The following GRHL2 variants were observed in gnomAD, a reference collection of about 807,000 sequenced individuals.
GRHL2 encodes the protein grainyhead-like protein 2 homolog.
GRHL2 carries 21 observed loss-of-function variants against 83.8 expected under a neutral mutation model. That is an observed-to-expected ratio of 0.25 (90% CI 0.18 to 0.36). The LOEUF (loss-of-function observed/expected upper bound fraction) is 0.36. Among genes scored for constraint, GRHL2 ranks in the 10% least tolerant of loss-of-function variants. The pLI, the probability that GRHL2 is intolerant of heterozygous loss-of-function variation, is 1.00. For missense variants in GRHL2, 623 were observed against 781.8 expected (o/e 0.80, Z 2.42); for synonymous variants, 280 against 278.9 (o/e 1.00, Z -0.04).
chr8:101,545,870 ATTTTTTTTT>A (rs1174568425), intron 2 of GRHL2, among the ~76,000 whole-genome samples: 11 of 83,634 alleles, frequency 1.3e-4, no homozygotes, highest in Admixed American at 6.6e-4. Context: ...TCTTTGTAAC[ATTTTTTTTT>A]TTTTTTTTTT....
chr8:101,522,764 CAT>C (rs966512266), intron 1 of GRHL2, among the ~76,000 whole-genome samples: 25 of 149,328 alleles, frequency 1.7e-4, no homozygotes, highest in Admixed American at 6.0e-4. Flanking sequence ...CACACATATA[CAT>C]ATATATATAT....
Position 101,496,630 on chromosome 8 carries a change from A to G in GRHL2, c.20+3841A>G, listed in dbSNP as rs1810112100. Among the ~76,000 whole-genome samples the G allele has an allele frequency of 2.6e-5, 4 of 152,266 alleles. 1 individual carries two copies. In the South Asian group the frequency reaches 8.3e-4, roughly 32 times the overall value. ...ACTAAATCAACAAAAAAGTAAACATATATTTAATTAGATGATGATAAGTGC... is the reference window on the plus strand; with the variant it reads ...ACTAAATCAACAAAAAAGTAAACATGTATTTAATTAGATGATGATAAGTGC... On this transcript the variant is annotated intron_variant, in intron 1 of 15. Transcript: ENST00000646743.
chr8:101,517,167 G>A (rs550117721), intron 1 of GRHL2, among the ~76,000 whole-genome samples: 33 of 152,186 alleles, frequency 2.2e-4, no homozygotes, highest in Non-Finnish European at 4.3e-4. Flanking sequence ...GTAAAGGGAA[G>A]CTGGGGATAC....
At chr8:101,579,630 TAGAG>T (rs1586114092) in intron 7 of GRHL2, among the ~76,000 whole-genome samples, 2 of 152,180 alleles carry the variant, frequency 1.3e-5, no homozygotes, top group South Asian at 2.1e-4. Flanking sequence ...TCTGCTCACA[TAGAG>T]AGAGAAAATA....
At chr8:101,606,716 T>A (rs1812640832) in intron 8 of GRHL2, among the ~76,000 whole-genome samples, 1 of 152,212 alleles carries the variant, frequency 6.6e-6, no homozygotes, top group South Asian at 2.1e-4. Flanking sequence ...GCTGACTTAC[T>A]ATTTCTATAG....
At chr8:101,543,485 C>G (rs1390137747) in intron 2 of GRHL2, 49 bp downstream of exon 2, 2 of 1,540,796 alleles carry the variant, frequency 1.3e-6, no homozygotes, top group Non-Finnish European at 1.8e-6. Flanking sequence ...CAGGACAACC[C>G]TTTGCTGGTG....
intron 7 of GRHL2, among the ~76,000 whole-genome samples, chr8:101,588,817 A>G (rs1812219452): frequency 6.6e-6 from 1 of 152,240 alleles, no homozygotes; most frequent in Non-Finnish European, 1.5e-5. Context: ...AGACACTAGA[A>G]TGAGGCTGTG....
In GRHL2 at chr8:101,552,486, C is replaced by T. The variant is rs192058183; in HGVS notation, c.217-229C>T. Among the ~76,000 whole-genome samples, 25 of 152,274 alleles carry T rather than the reference C, an allele frequency of 1.6e-4. No homozygotes were observed. The East Asian group carries it at 4.2e-3, about 26-fold the overall frequency. ...GTCACCTAGGCCAGCAGTGAGCAGC[C>T]GAATCATGTCTGTTGTGGCCATATG... On this transcript the variant is annotated intron_variant, in intron 2 of 15. Transcript: ENST00000646743.
intron 1 of GRHL2, among the ~76,000 whole-genome samples, chr8:101,542,501 C>T (rs923281791): frequency 2.7e-5 from 4 of 150,808 alleles, no homozygotes; most frequent in Non-Finnish European, 4.4e-5. Flanking sequence ...TTCAGTGAGC[C>T]GAGATTGCAC....
intron 2 of GRHL2, among the ~76,000 whole-genome samples, chr8:101,544,316 G>T (rs1053825453): frequency 1.3e-5 from 2 of 152,094 alleles, no homozygotes; most frequent in African/African-American, 4.8e-5. Context: ...ACCTAATTTT[G>T]TTACAACCCT....
At chr8:101,539,976 A>G (rs182602023) in intron 1 of GRHL2, among the ~76,000 whole-genome samples, 61 of 152,276 alleles carry the variant, frequency 4.0e-4, no homozygotes, top group African/African-American at 1.4e-3. Context: ...GTGCCACTCC[A>G]TCCTTAACAA....
intron 14 of GRHL2, among the ~76,000 whole-genome samples, chr8:101,655,381 T>C (rs1268079523): frequency 2.0e-5 from 3 of 152,224 alleles, no homozygotes; most frequent in South Asian, 2.1e-4. Context: ...GAAAAATGCC[T>C]ACCATGAAGA....
downstream of GRHL2, among the ~76,000 whole-genome samples, chr8:101,674,686 A>G (rs62517417): frequency 9.9e-5 from 15 of 152,196 alleles, no homozygotes; most frequent in African/African-American, 2.4e-4. Context: ...GAAAAAGAGG[A>G]AATCCTCCCT....
chr8:101,628,801 A>G (rs1813129531), intron 9 of GRHL2, among the ~76,000 whole-genome samples: 1 of 152,162 alleles, frequency 6.6e-6, no homozygotes, highest in South Asian at 2.1e-4. Context: ...GTACTTCAGT[A>G]GAGGAAGTAA....
intron 1 of GRHL2, among the ~76,000 whole-genome samples, chr8:101,526,647 A>G (rs1810811938): frequency 6.6e-6 from 1 of 151,556 alleles, no homozygotes; most frequent in South Asian, 2.1e-4. Flanking sequence ...GACATCAGCC[A>G]AACACTCAAG....
chr8:101,619,090 A>G (rs1352938497), intron 8 of GRHL2, among the ~76,000 whole-genome samples: 1 of 152,078 alleles, frequency 6.6e-6, no homozygotes, highest in East Asian at 1.9e-4. Context: ...TGTCTCTACT[A>G]AAAATACAAA....
intron 7 of GRHL2, among the ~76,000 whole-genome samples, chr8:101,591,537 G>A (rs559149997): frequency 1.8e-4 from 28 of 152,282 alleles, no homozygotes; most frequent in African/African-American, 6.5e-4. Flanking sequence ...AGCCATTGTA[G>A]GACATACTAT....
At chr8:101,650,134 T>A (rs1362371644) in intron 14 of GRHL2, among the ~76,000 whole-genome samples, 1 of 152,190 alleles carries the variant, frequency 6.6e-6, no homozygotes. Flanking sequence ...TTGTAGAAGA[T>A]TTGTTTTTTT....
chr8:101,579,484 T>G (rs1812003933), intron 7 of GRHL2, among the ~76,000 whole-genome samples: 1 of 152,222 alleles, frequency 6.6e-6, no homozygotes, highest in South Asian at 2.1e-4. Context: ...CTGAGATTTG[T>G]GACCTTTACT....
Sources: gnomAD v4.1 joint callset for allele counts (sites outside exome capture counted in the v4.1 genomes callset) on GRCh38, gnomAD v4.1.1 for gene constraint, MANE v1.5 for transcripts, NCBI Gene and HGNC (gene_info 2026-07-23, HGNC 2026-07-21) for gene names.